Variants in ZNF600 observed in about 807,000 individuals in gnomAD.
ZNF600 encodes the protein zinc finger protein 600.
ZNF600 carries 4 observed loss-of-function variants against 7.3 expected under a neutral mutation model. The observed-to-expected ratio is 0.55, with a 90% CI of 0.27 to 1.25. The LOEUF (loss-of-function observed/expected upper bound fraction) is 1.25. Among genes scored for constraint, ZNF600 ranks in the 50% most tolerant of loss-of-function variants. The pLI is 0.12. For synonymous variants in ZNF600, 290 were observed against 308.9 expected, an observed-to-expected ratio of 0.94 and a Z score of 0.64; for missense variants, 911 against 922.1, an observed-to-expected ratio of 0.99 and a Z score of 0.16.
chr19:52,821,931 A>AT, the ZNF600 span, among the ~76,000 whole-genome samples: 4 of 89,940 alleles, frequency 4.4e-5, no homozygotes, highest in Non-Finnish European at 5.5e-5. Flanking sequence ...TAAAAAAATA[A>AT]TAAAAAAAAA....
intron 1 of ZNF600, 43 bp downstream of exon 1, chr19:52,786,552 G>A (rs2062765236): frequency 6.0e-6 from 1 of 166,622 alleles, no homozygotes; most frequent in Non-Finnish European, 1.4e-5. Flanking sequence ...ACCAGCCTCC[G>A]AGCGACTTCA....
At chr19:52,764,594 T>TG (rs1461407832) in exon 4 of ZNF600, 2 of 149,726 alleles carry the variant, frequency 1.3e-5, no homozygotes, top group Non-Finnish European at 3.0e-5. Flanking sequence ...GTTGGCTCCC[T>TG]GCAAGCTCCG....
the ZNF600 span, chr19:52,800,066 G>C: frequency 1.2e-6 from 2 of 1,614,120 alleles, no homozygotes; most frequent in Non-Finnish European, 1.7e-6. Flanking sequence ...GTTGTGCCAG[G>C]TGTGAATCCC....
exon 1 of ZNF600, chr19:52,786,690 C>T (rs2062766489): frequency 3.8e-6 from 1 of 261,244 alleles, no homozygotes; most frequent in South Asian, 3.3e-5. Flanking sequence ...CGCCGGGGAC[C>T]TGGGAAGTGC....
At chr19:52,793,396 G>A in the ZNF600 span, among the ~76,000 whole-genome samples, 5 of 152,134 alleles carry the variant, frequency 3.3e-5, no homozygotes, top group Admixed American at 6.5e-5. Context: ...GGGACAGAAA[G>A]GCTGCTTATC....
chr19:52,790,106 G>T (rs1395701776), upstream of ZNF600, among the ~76,000 whole-genome samples: 1 of 152,178 alleles, frequency 6.6e-6, no homozygotes, highest in Admixed American at 6.5e-5. Flanking sequence ...CATCAGTTAA[G>T]GTGGGGCAGG....
chr19:52,812,898 C>A, the ZNF600 span, among the ~76,000 whole-genome samples: 8 of 151,520 alleles, frequency 5.3e-5, no homozygotes, highest in East Asian at 1.6e-3. Context: ...CTTAAAAGGT[C>A]CCTATGTCCA....
upstream of ZNF600, among the ~76,000 whole-genome samples, chr19:52,791,801 C>A (rs918268792): frequency 1.3e-5 from 2 of 152,202 alleles, no homozygotes; most frequent in Non-Finnish European, 2.9e-5. Flanking sequence ...GCCTCCCCCA[C>A]GAGGCAGCAG....
exon 4 of ZNF600, chr19:52,764,611 G>C (rs2062554383): frequency 6.7e-6 from 1 of 150,202 alleles, no homozygotes; most frequent in African/African-American, 2.5e-5. Flanking sequence ...TCCGTCTCCA[G>C]GATTCACACC....
chr19:52,794,078 A>G, the ZNF600 span, among the ~76,000 whole-genome samples: 2 of 151,886 alleles, frequency 1.3e-5, no homozygotes, highest in African/African-American at 4.8e-5. Context: ...CAGAGAGCTG[A>G]GGAGACAACT....
At chr19:52,766,379 T>G (rs2062577424) in exon 4 of ZNF600, 1 of 1,613,946 alleles carries the variant, frequency 6.2e-7, no homozygotes, top group African/African-American at 1.3e-5. Context: ...TTATCTTATG[T>G]GTCTCAAGGG....
the ZNF600 span, among the ~76,000 whole-genome samples, chr19:52,813,486 T>TA: frequency 2.3e-4 from 28 of 120,758 alleles, 2 homozygotes; most frequent in Admixed American, 2.3e-3. Flanking sequence ...GCGGGGGTGG[T>TA]AGGAGGTTTT....
intron 2 of ZNF600, among the ~76,000 whole-genome samples, chr19:52,775,530 C>T (rs568863978): frequency 1.9e-4 from 29 of 152,178 alleles, no homozygotes; most frequent in African/African-American, 6.3e-4. Context: ...AGCCTGGCAA[C>T]AGAGCAAGAC....
chr19:52,810,755 G>GA, the ZNF600 span: 25,971 of 469,652 alleles, frequency 0.055, 1,790 homozygotes, highest in African/African-American at 0.21. Flanking sequence ...GAAAGAAGGG[G>GA]AAAAAAAAAG....
the ZNF600 span, among the ~76,000 whole-genome samples, chr19:52,827,249 C>CA: frequency 3.2e-3 from 138 of 42,984 alleles, 2 homozygotes; most frequent in East Asian, 0.014. Context: ...TCTCTAAAAA[C>CA]AAAAAAAAAA....
At chr19:52,808,693 G>C in the ZNF600 span, among the ~76,000 whole-genome samples, 5 of 151,356 alleles carry the variant, frequency 3.3e-5, no homozygotes, top group Non-Finnish European at 5.9e-5. Flanking sequence ...AGGCACCTGC[G>C]GTCCCAGCTA....
intron 1 of ZNF600, among the ~76,000 whole-genome samples, chr19:52,783,448 G>C (rs2062739523): frequency 6.6e-6 from 1 of 152,072 alleles, no homozygotes. Context: ...TGCAAGCTCC[G>C]CCTCCCGGGT....
chr19:52,785,032 C>T (rs188190263), intron 1 of ZNF600, among the ~76,000 whole-genome samples: 68 of 152,174 alleles, frequency 4.5e-4, no homozygotes, highest in African/African-American at 1.3e-3. Context: ...CCACTGCGCC[C>T]AGCCCCTCTT....
At chr19:52,792,197 A>AT in the ZNF600 span, among the ~76,000 whole-genome samples, 1 of 152,192 alleles carries the variant, frequency 6.6e-6, no homozygotes, top group Non-Finnish European at 1.5e-5. Flanking sequence ...CAGACAGTGG[A>AT]TGGCAAAGGA....
Sources: gnomAD v4.1 joint callset for allele counts (sites outside exome capture counted in the v4.1 genomes callset) on GRCh38, gnomAD v4.1.1 for gene constraint, MANE v1.5 for transcripts, NCBI Gene and HGNC (gene_info 2026-07-23, HGNC 2026-07-21) for gene names.